The following EXOC4 variants were observed in gnomAD, a reference collection of about 807,000 sequenced individuals.
EXOC4 encodes exocyst complex component 4.
In EXOC4, 71 loss-of-function variants were observed where a neutral mutation model predicts 107.2. The observed-to-expected ratio is 0.66, with a 90% confidence interval of 0.55 to 0.81. EXOC4 has a LOEUF of 0.81. Ranked by LOEUF, EXOC4 falls within the 30% of genes least tolerant of loss-of-function variation. The pLI is 0.00. For synonymous variants in EXOC4, 456 were observed against 441.2 expected (o/e 1.03, Z -0.42); for missense variants, 1,108 against 1,189.6 (o/e 0.93, Z 1.01).
intron 13 of EXOC4, among the ~76,000 whole-genome samples, chr7:133,926,660 G>A (rs899181613): frequency 5.3e-5 from 8 of 152,034 alleles, no homozygotes; most frequent in Admixed American, 3.3e-4. Context: ...AATAATAATC[G>A]TTGTTGAAGA....
chr7:133,510,469 T>A (rs1045051981), intron 9 of EXOC4, among the ~76,000 whole-genome samples: 6 of 152,196 alleles, frequency 3.9e-5, no homozygotes, highest in Non-Finnish European at 5.9e-5. Context: ...GAATCTTAGC[T>A]CTGCTCAATA....
chr7:134,073,427 T>C, the EXOC4 span, among the ~76,000 whole-genome samples: 84 of 151,752 alleles, frequency 5.5e-4, 1 homozygote, highest in African/African-American at 2.0e-3. Context: ...CTGCTTCCAT[T>C]TTAGCTATTA....
At chr7:134,097,017 AT>A in the EXOC4 span, among the ~76,000 whole-genome samples, 1,070 of 152,262 alleles carry the variant, frequency 7.0e-3, 12 homozygotes, top group African/African-American at 0.024. Flanking sequence ...ACAGAAAAAA[AT>A]ATGAAGTAGT....
intron 12 of EXOC4, among the ~76,000 whole-genome samples, chr7:133,912,325 G>A (rs1799713048): frequency 1.3e-5 from 2 of 152,210 alleles, no homozygotes; most frequent in Non-Finnish European, 2.9e-5. Context: ...CTAGGAATAA[G>A]TAGCGTAGAA....
At chr7:133,536,783 C>A (rs780074494) in intron 9 of EXOC4, among the ~76,000 whole-genome samples, 4 of 151,956 alleles carry the variant, frequency 2.6e-5, no homozygotes, top group Non-Finnish European at 5.9e-5. Context: ...CCTAAGGTCC[C>A]CTCCTGGTCC....
chr7:133,641,980 C>T (rs568141170), intron 10 of EXOC4, among the ~76,000 whole-genome samples: 1 of 152,288 alleles, frequency 6.6e-6, no homozygotes, highest in South Asian at 2.1e-4. Context: ...CTTCTCTGAA[C>T]GTTGGAGGTC....
chr7:133,638,043 T>C (rs1802755822), intron 10 of EXOC4, among the ~76,000 whole-genome samples: 1 of 152,062 alleles, frequency 6.6e-6, no homozygotes, highest in Admixed American at 6.6e-5. Flanking sequence ...AAACGGGAAA[T>C]GTTAGTGAAA....
chr7:133,817,233 T>C (rs965304266), intron 10 of EXOC4, 92 bp from the exon 11 acceptor site: 1 of 829,070 alleles, frequency 1.2e-6, no homozygotes, highest in Non-Finnish European at 2.0e-6. Context: ...TTCACAGAAA[T>C]AGCCAACACT....
chr7:134,002,467 A>G (rs1196095930), intron 15 of EXOC4, among the ~76,000 whole-genome samples: 1 of 152,198 alleles, frequency 6.6e-6, no homozygotes, highest in Admixed American at 6.5e-5. Flanking sequence ...TAAAAAAGTT[A>G]TAAATTGAAC....
intron 17 of EXOC4, among the ~76,000 whole-genome samples, chr7:134,049,826 A>T (rs137903076): frequency 1.1e-3 from 160 of 152,352 alleles, no homozygotes; most frequent in African/African-American, 3.7e-3. Flanking sequence ...AAACAAATTT[A>T]AAAAGGACTT....
At chr7:133,376,233 G>T (rs866452531) in intron 7 of EXOC4, among the ~76,000 whole-genome samples, 13 of 152,100 alleles carry the variant, frequency 8.5e-5, no homozygotes, top group Admixed American at 6.6e-5. Flanking sequence ...AATATTGGTT[G>T]AAACTTTTTA....
intron 10 of EXOC4, among the ~76,000 whole-genome samples, chr7:133,691,649 G>A (rs1433033879): frequency 2.6e-5 from 4 of 152,042 alleles, no homozygotes; most frequent in African/African-American, 4.8e-5. Context: ...AGAAGTAAGC[G>A]AGCAAAAATA....
chr7:133,516,055 A>G (rs190188325), intron 9 of EXOC4, among the ~76,000 whole-genome samples: 2 of 152,302 alleles, frequency 1.3e-5, no homozygotes, highest in East Asian at 3.9e-4. Flanking sequence ...AAAATACTGG[A>G]AGACTATCGA....
chr7:133,554,287 TATTA>T (rs1404122489), intron 9 of EXOC4, among the ~76,000 whole-genome samples: 1 of 152,212 alleles, frequency 6.6e-6, no homozygotes, highest in Non-Finnish European at 1.5e-5. Flanking sequence ...TCATTCTTAA[TATTA>T]TTTGAGTATC....
At chr7:133,324,080 C>G (rs181624226) in intron 5 of EXOC4, among the ~76,000 whole-genome samples, 1 of 151,892 alleles carries the variant, frequency 6.6e-6, no homozygotes, top group African/African-American at 2.4e-5. Context: ...TTTTTTATTG[C>G]GTCTGTTTGA....
chr7:133,694,381 T>G (rs1323880777), intron 10 of EXOC4, among the ~76,000 whole-genome samples: 2 of 152,138 alleles, frequency 1.3e-5, no homozygotes, highest in African/African-American at 4.8e-5. Context: ...TCCTTAGGTA[T>G]GCTCAAACTT....
intron 10 of EXOC4, among the ~76,000 whole-genome samples, chr7:133,763,501 A>AT (rs901965763): frequency 6.6e-6 from 1 of 152,118 alleles, no homozygotes; most frequent in African/African-American, 2.4e-5. Context: ...TGTTGGCCAG[A>AT]TTATGTAACC....
At position 133,400,652 on chromosome 7, in the gene EXOC4, TGAA is replaced by T. The variant is rs547167954; in HGVS notation, c.1182+25655_1182+25657del. ...TTTAGAAACAAAAGCCACATCTCTT[TGAA>T]GAAGTACTTTTGACTTTTTCTCCCA... On this transcript the variant is annotated intron_variant, in intron 7 of 17. Coordinates refer to ENST00000253861, the MANE Select transcript of EXOC4 (RefSeq NM_021807.4). Among the ~76,000 whole-genome samples the T allele has an allele frequency of 2.2e-4, 34 of 152,340 alleles. 1 individual carries two copies. The South Asian group carries it at 7.0e-3, about 32-fold the overall frequency.
intron 10 of EXOC4, among the ~76,000 whole-genome samples, chr7:133,651,533 C>G (rs897349828): frequency 6.6e-6 from 1 of 152,104 alleles, no homozygotes; most frequent in African/African-American, 2.4e-5. Flanking sequence ...ACTTATGATA[C>G]GGATAAGTGC....
Sources: allele counts gnomAD v4.1 joint callset (sites outside exome capture counted in the v4.1 genomes callset), GRCh38; gene constraint gnomAD v4.1.1; transcripts MANE v1.5; gene names NCBI Gene and HGNC (gene_info 2026-07-23, HGNC 2026-07-21).